Variants in ATG5 observed in about 807,000 individuals in gnomAD.
The protein encoded by ATG5 is autophagy related 5.
ATG5 carries 14 observed loss-of-function variants against 36.5 expected under a neutral mutation model. The ratio of observed to expected loss-of-function variants is 0.38; its 90% confidence interval spans 0.25 to 0.60. The LOEUF is 0.60. Among genes scored for constraint, ATG5 ranks in the 20% least tolerant of loss-of-function variants. The probability of loss-of-function intolerance (pLI) is 0.60; values close to 1 mark genes in which losing one functional copy is unlikely to be tolerated. For synonymous variants in ATG5, 95 were observed against 101.5 expected, an observed-to-expected ratio of 0.94 and a Z score of 0.38; for missense variants, 195 against 326.7, an observed-to-expected ratio of 0.60 and a Z score of 3.11.
Position 106,186,458 on chromosome 6 carries a change from C to A in ATG5, c.*82G>T. On this transcript the variant is annotated 3_prime_UTR_variant, in exon 8 of 8. Coordinates refer to ENST00000369076, the MANE Select transcript of ATG5 (RefSeq NM_004849.4). ...GTGTTTCTGGTCAGGTTGCCTCCAC[C>A]AAACCTGATTGAAGCAAAAGGGTGA... is the stretch of plus-strand genomic sequence containing the variant. 1 of 1,535,962 alleles carries A rather than the reference C, an allele frequency of 6.5e-7. No homozygotes were observed. The highest frequency in any genetic ancestry group is 1.2e-5 in the South Asian group (1 of 86,074).
intron 3 of ATG5, among the ~76,000 whole-genome samples, chr6:106,293,465 T>C (rs1308689374): frequency 6.6e-6 from 1 of 152,218 alleles, no homozygotes; most frequent in Non-Finnish European, 1.5e-5. Flanking sequence ...AAATATGTTT[T>C]TTACTTTTAG....
intron 6 of ATG5, among the ~76,000 whole-genome samples, chr6:106,210,742 C>T (rs1403031383): frequency 2.6e-5 from 4 of 152,160 alleles, no homozygotes; most frequent in Admixed American, 1.3e-4. Context: ...ACTTGTGTGT[C>T]AATTGTATCA....
intron 6 of ATG5, among the ~76,000 whole-genome samples, chr6:106,223,281 T>C (rs1016590696): frequency 3.3e-5 from 5 of 152,208 alleles, no homozygotes; most frequent in African/African-American, 1.2e-4. Context: ...TTTTAAAATA[T>C]ATCTGCTGGA....
chr6:106,254,928 T>C (rs1231004548), intron 5 of ATG5, among the ~76,000 whole-genome samples: 4 of 152,246 alleles, frequency 2.6e-5, no homozygotes, highest in African/African-American at 9.6e-5. Context: ...TTGCTAGCCA[T>C]AATTGGGAGA....
intron 6 of ATG5, among the ~76,000 whole-genome samples, chr6:106,230,838 C>G (rs1385925094): frequency 1.3e-5 from 2 of 152,142 alleles, no homozygotes; most frequent in African/African-American, 2.4e-5. Context: ...AATTATAACA[C>G]CATCTTACAG....
At chr6:106,235,745 C>T (rs1044739746) in intron 6 of ATG5, among the ~76,000 whole-genome samples, 48 of 149,388 alleles carry the variant, frequency 3.2e-4, no homozygotes, top group Non-Finnish European at 5.3e-4. Context: ...GCAACGGCTA[C>T]CTTCTTTGGG....
At chr6:106,276,752 C>A (rs1357039270) in intron 5 of ATG5, among the ~76,000 whole-genome samples, 1 of 152,148 alleles carries the variant, frequency 6.6e-6, no homozygotes, top group South Asian at 2.1e-4. Context: ...AACTCAAATC[C>A]TTCTCTCTTT....
chr6:106,258,582 T>C (rs1204279604), intron 5 of ATG5, among the ~76,000 whole-genome samples: 1 of 152,146 alleles, frequency 6.6e-6, no homozygotes, highest in African/African-American at 2.4e-5. Context: ...CTCTCCTCAT[T>C]GTAGAGAGGA....
chr6:106,288,324 A>T (rs558455834), intron 4 of ATG5, among the ~76,000 whole-genome samples: 1 of 152,166 alleles, frequency 6.6e-6, no homozygotes, highest in Non-Finnish European at 1.5e-5. Context: ...AACTGGGGAC[A>T]CAGAAATGAG....
At chr6:106,297,930 T>C (rs1490222140) in intron 3 of ATG5, among the ~76,000 whole-genome samples, 1 of 151,350 alleles carries the variant, frequency 6.6e-6, no homozygotes, top group Non-Finnish European at 1.5e-5. Context: ...CCAGGCATGA[T>C]CTGTACTCAA....
At chr6:106,308,299 GGGCAC>G in intron 3 of ATG5, 60 bp downstream of exon 3, 1 of 1,351,246 alleles carries the variant, frequency 7.4e-7, no homozygotes, top group Non-Finnish European at 9.7e-7. Flanking sequence ...AATTGTTTCA[GGGCAC>G]TATACCTTTT....
Position 106,186,695 on chromosome 6 carries a change from CCAA to C in ATG5, c.692-22_692-20del, listed in dbSNP as rs1384567903. ...TCCCCATCTATTCCAAGAAAGAAAC[CCAA>C]CAACAATAAAAGTCAAAACAGTTGA... is the stretch of plus-strand genomic sequence containing the variant. On this transcript the variant is annotated intron_variant, in intron 7 of 7. Transcript: ENST00000369076. 2.0e-5 allele frequency: 33 copies of C among 1,611,002 alleles called. No homozygotes were observed. The highest frequency in any genetic ancestry group is 2.7e-5 in the African/African-American group (2 of 74,776).
intron 6 of ATG5, among the ~76,000 whole-genome samples, chr6:106,242,382 C>A (rs1284713932): frequency 6.6e-6 from 1 of 152,100 alleles, no homozygotes; most frequent in Non-Finnish European, 1.5e-5. Flanking sequence ...TGTATGATTC[C>A]TCTTGTATGA....
intron 6 of ATG5, among the ~76,000 whole-genome samples, chr6:106,213,034 T>C (rs141107759): frequency 1.3e-5 from 2 of 152,328 alleles, no homozygotes; most frequent in African/African-American, 4.8e-5. Flanking sequence ...AACAAAAGCA[T>C]AGGTACAACA....
intron 7 of ATG5, among the ~76,000 whole-genome samples, chr6:106,198,777 G>GAA (rs34709544): frequency 0.025 from 3,734 of 148,100 alleles, 63 homozygotes; most frequent in African/African-American, 0.051. Flanking sequence ...CCCTGTCTGG[G>GAA]AAAAAAAAAA....
At chr6:106,202,128 C>A in intron 6 of ATG5, 39 bp from the exon 7 acceptor site, 1 of 1,524,300 alleles carries the variant, frequency 6.6e-7, no homozygotes, top group South Asian at 1.1e-5. Flanking sequence ...GCAATTAAGT[C>A]TTTGTTGCTG....
chr6:106,207,084 T>G (rs1278683508), intron 6 of ATG5, among the ~76,000 whole-genome samples: 3 of 152,200 alleles, frequency 2.0e-5, no homozygotes, highest in Non-Finnish European at 4.4e-5. Context: ...AGAAACAGTA[T>G]TACTCTCATG....
In ATG5 at chr6:106,316,085, CA is replaced by C; in HGVS notation, c.108+15del. The C allele has an allele frequency of 6.3e-7, 1 of 1,579,104 alleles. No homozygotes were observed. Among genetic ancestry groups the C allele is most frequent in the Non-Finnish European group, 8.6e-7 (1 of 1,158,192 alleles). On this transcript the variant is annotated intron_variant, in intron 2 of 7. Transcript: ENST00000369076. ...ACAAGGTTAAATATCCCATTTGCCA[CA>C]ATCAATGTACTTACATAGTATGGTT...
chr6:106,272,860 T>TA (rs1354910181), intron 5 of ATG5, among the ~76,000 whole-genome samples: 1 of 152,142 alleles, frequency 6.6e-6, no homozygotes, highest in East Asian at 1.9e-4. Flanking sequence ...CATGAGAGTA[T>TA]AAAATCTGTG....
Sources: allele counts gnomAD v4.1 joint callset (sites outside exome capture counted in the v4.1 genomes callset), GRCh38; gene constraint gnomAD v4.1.1; transcripts MANE v1.5; gene names NCBI Gene and HGNC (gene_info 2026-07-23, HGNC 2026-07-21).